The following RBM6 variants were observed in gnomAD, a reference collection of about 807,000 sequenced individuals.
RBM6 encodes the protein RNA binding motif protein 6.
A neutral mutation model predicts 140.4 loss-of-function variants in RBM6; 23 were observed. That is an observed-to-expected ratio of 0.16 (90% confidence interval 0.12 to 0.23). RBM6 has a LOEUF of 0.23. Ranked by LOEUF, RBM6 falls within the 10% of genes least tolerant of loss-of-function variation. The pLI is 1.00. For missense variants in RBM6, 1,139 were observed against 1,386.7 expected, an observed-to-expected ratio of 0.82 and a Z score of 2.84; for synonymous variants, 439 against 475.6, an observed-to-expected ratio of 0.92 and a Z score of 1.00.
chr3:50,021,132 G>T lies in RBM6; in HGVS notation c.1557+21619G>T, dbSNP rs187089737. Among the ~76,000 whole-genome samples, 41 of 152,218 alleles carry T rather than the reference G, an allele frequency of 2.7e-4. No homozygotes were observed. The East Asian group carries it at 3.7e-3, about 14-fold the overall frequency. On this transcript the variant is annotated intron_variant, in intron 6 of 20. Coordinates refer to ENST00000266022, the MANE Select transcript of RBM6 (RefSeq NM_005777.3). ...TGTTTTATGGCCCATAATGTGCTGC[G>T]TGAGCTTGAAGAGAATATGTAGTTC...
At chr3:50,074,447 G>A (rs1000322527) in intron 19 of RBM6, among the ~76,000 whole-genome samples, 5 of 151,672 alleles carry the variant, frequency 3.3e-5, no homozygotes, top group African/African-American at 1.2e-4. Context: ...TCAGCCTCCC[G>A]AGTAGCTAGG....
At chr3:50,074,073 C>T (rs2090386806) in intron 19 of RBM6, among the ~76,000 whole-genome samples, 1 of 152,186 alleles carries the variant, frequency 6.6e-6, no homozygotes, top group Non-Finnish European at 1.5e-5. Flanking sequence ...AGGTGATCCA[C>T]CCGCCTTGGC....
intron 6 of RBM6, among the ~76,000 whole-genome samples, chr3:50,043,257 G>A (rs977100723): frequency 6.6e-6 from 1 of 152,024 alleles, no homozygotes; most frequent in African/African-American, 2.4e-5. Flanking sequence ...GCCGAGGCAG[G>A]CGATCACTTT....
At chr3:50,041,468 G>A (rs1260232589) in intron 6 of RBM6, among the ~76,000 whole-genome samples, 1 of 152,110 alleles carries the variant, frequency 6.6e-6, no homozygotes, top group Non-Finnish European at 1.5e-5. Context: ...GGAATAGTGG[G>A]TTTTAAAAAA....
intron 5 of RBM6, among the ~76,000 whole-genome samples, chr3:49,995,700 G>A (rs758962433): frequency 5.9e-4 from 90 of 152,064 alleles, no homozygotes; most frequent in Non-Finnish European, 6.3e-4. Context: ...GGAAGAAAGG[G>A]GTAATAAAGT....
At chr3:50,053,213 G>C (rs1239231486) in intron 7 of RBM6, among the ~76,000 whole-genome samples, 1 of 152,024 alleles carries the variant, frequency 6.6e-6, no homozygotes. Context: ...ATATACAGTA[G>C]GCCAAATACA....
intron 1 of RBM6, among the ~76,000 whole-genome samples, chr3:49,959,309 C>A (rs187049861): frequency 0.022 from 3,367 of 150,234 alleles, 56 homozygotes; most frequent in Non-Finnish European, 0.035. Flanking sequence ...CTGCCTCAGC[C>A]TCGTGAGTAG....
chr3:50,041,609 C>T (rs1436431596), intron 6 of RBM6, among the ~76,000 whole-genome samples: 1 of 152,136 alleles, frequency 6.6e-6, no homozygotes. Context: ...CTTTTCTTCC[C>T]CGGGCTTTGC....
intron 6 of RBM6, among the ~76,000 whole-genome samples, chr3:50,004,680 T>A (rs1335111543): frequency 6.6e-6 from 1 of 151,970 alleles, no homozygotes; most frequent in Non-Finnish European, 1.5e-5. Flanking sequence ...AGTACAGTGG[T>A]ACGATGAGAG....
intron 20 of RBM6, 119 bp downstream of exon 20, chr3:50,075,449 G>A: frequency 7.4e-7 from 1 of 1,356,202 alleles, no homozygotes. Flanking sequence ...GCTGGGATAG[G>A]ACATGAGAGT....
At chr3:49,958,643 C>T (rs897532025) in intron 1 of RBM6, among the ~76,000 whole-genome samples, 1 of 151,560 alleles carries the variant, frequency 6.6e-6, no homozygotes, top group Middle Eastern at 3.4e-3. Context: ...CCCAGTTACT[C>T]GGGAAGCTGA....
In RBM6 at chr3:49,961,656, G is replaced by A. The variant is rs916197687; in HGVS notation, c.-66-920G>A. On this transcript the variant is annotated intron_variant, in intron 1 of 20. Transcript: ENST00000266022. The stretch of plus-strand genomic sequence containing the variant: ...TCTACTAAAAATACAAAAATTAGCC[G>A]GGCATGGTGACGCGTGCCTGTAGTC... Among the ~76,000 whole-genome samples the A allele has an allele frequency of 8.6e-5, 13 of 151,784 alleles. No individual in the cohort carries two copies. The East Asian group carries it at 1.4e-3, about 16-fold the overall frequency.
chr3:50,014,197 G>T (rs952632375), intron 6 of RBM6, among the ~76,000 whole-genome samples: 1 of 152,276 alleles, frequency 6.6e-6, no homozygotes, highest in African/African-American at 2.4e-5. Flanking sequence ...AGGGGGTTTG[G>T]GAATATAGTG....
intron 6 of RBM6, among the ~76,000 whole-genome samples, chr3:50,009,220 A>G (rs1352474420): frequency 1.1e-4 from 17 of 152,216 alleles, no homozygotes; most frequent in Admixed American, 1.0e-3. Flanking sequence ...AACACCTGTC[A>G]TGAAGTGTCT....
At position 50,064,672 on chromosome 3, in the gene RBM6, C is replaced by G. The variant is rs546398550; in HGVS notation, c.2587-359C>G. On this transcript the variant is annotated intron_variant, in intron 15 of 20. Coordinates refer to ENST00000266022, the MANE Select transcript of RBM6 (RefSeq NM_005777.3). The stretch of plus-strand genomic sequence containing the variant: ...GATTACAGGCCAAAACCACCACACC[C>G]AGCTAATTTTTGTATTTTTACTAGA... Among the ~76,000 whole-genome samples, 12 of 152,058 alleles carry G rather than the reference C, an allele frequency of 7.9e-5. No homozygotes were observed. In the East Asian group the frequency reaches 2.3e-3, roughly 29 times the overall value.
At chr3:50,005,229 G>T (rs2086519295) in intron 6 of RBM6, among the ~76,000 whole-genome samples, 1 of 152,100 alleles carries the variant, frequency 6.6e-6, no homozygotes, top group Non-Finnish European at 1.5e-5. Context: ...AGGTGTGATG[G>T]CTCACACCTG....
At chr3:50,011,619 C>T (rs761670853) in intron 6 of RBM6, among the ~76,000 whole-genome samples, 2 of 152,048 alleles carry the variant, frequency 1.3e-5, no homozygotes, top group Non-Finnish European at 2.9e-5. Flanking sequence ...TCTTAGAGGC[C>T]TCTTTCAAGC....
chr3:49,956,528 C>A (rs1334007599), intron 1 of RBM6, among the ~76,000 whole-genome samples: 1 of 151,722 alleles, frequency 6.6e-6, no homozygotes, highest in Non-Finnish European at 1.5e-5. Flanking sequence ...GATGGGGTTT[C>A]TCTATGTTGG....
chr3:50,069,409 G>A (rs747977807), intron 18 of RBM6, among the ~76,000 whole-genome samples: 7 of 151,898 alleles, frequency 4.6e-5, no homozygotes, highest in Non-Finnish European at 1.0e-4. Context: ...CTACTTGAGA[G>A]GCTGAGGGAG....
Sources: allele counts gnomAD v4.1 joint callset (sites outside exome capture counted in the v4.1 genomes callset), GRCh38; gene constraint gnomAD v4.1.1; transcripts MANE v1.5; gene names NCBI Gene and HGNC (gene_info 2026-07-23, HGNC 2026-07-21).